SCAPER: variants seen among roughly 807,000 people sequenced by gnomAD.
SCAPER encodes the protein S-phase cyclin A associated protein in the ER.
SCAPER carries 98 observed loss-of-function variants against 182.2 expected under a neutral mutation model. That is an observed-to-expected ratio of 0.54 (90% CI 0.46 to 0.64). The LOEUF (loss-of-function observed/expected upper bound fraction) is 0.64, where lower values mean the gene tolerates loss of function less well. Ranked by LOEUF, SCAPER falls within the 30% of genes least tolerant of loss-of-function variation. The probability of loss-of-function intolerance (pLI) is 0.00; values close to 1 mark genes in which losing one functional copy is unlikely to be tolerated. For synonymous variants in SCAPER, 605 were observed against 564.6 expected, an observed-to-expected ratio of 1.07 and a Z score of -1.01; for missense variants, 1,432 against 1,690.0, an observed-to-expected ratio of 0.85 and a Z score of 2.68.
chr15:76,561,900 C>T (rs1048715143), intron 23 of SCAPER, among the ~76,000 whole-genome samples: 3 of 150,390 alleles, frequency 2.0e-5, no homozygotes, highest in Non-Finnish European at 4.4e-5. Flanking sequence ...AATCCCAGCA[C>T]TTTGGGAGGC....
chr15:76,668,215 C>T (rs2056768400), intron 20 of SCAPER, among the ~76,000 whole-genome samples: 1 of 152,304 alleles, frequency 6.6e-6, no homozygotes, highest in African/African-American at 2.4e-5. Context: ...ATCCCTACCA[C>T]CACCACCTGC....
chr15:76,782,917 C>T (rs1332579219), intron 8 of SCAPER, among the ~76,000 whole-genome samples: 1 of 152,140 alleles, frequency 6.6e-6, no homozygotes, highest in African/African-American at 2.4e-5. Flanking sequence ...TAAATGCCCA[C>T]AAGAGAAAGC....
At chr15:76,551,807 C>G (rs2045793745) in intron 23 of SCAPER, among the ~76,000 whole-genome samples, 2 of 152,188 alleles carry the variant, frequency 1.3e-5, no homozygotes, top group South Asian at 4.2e-4. Flanking sequence ...TCACACTGTA[C>G]CCCCATAAAT....
chr15:76,795,229 C>G, intron 8 of SCAPER, 51 bp downstream of exon 8: 2 of 1,541,712 alleles, frequency 1.3e-6, no homozygotes, highest in Non-Finnish European at 1.8e-6. Flanking sequence ...ATAAGTATCT[C>G]TATATATCCA....
At chr15:76,430,947 G>C (rs1374962194) in intron 26 of SCAPER, among the ~76,000 whole-genome samples, 1 of 152,008 alleles carries the variant, frequency 6.6e-6, no homozygotes, top group Non-Finnish European at 1.5e-5. Flanking sequence ...CTGAATCATG[G>C]GGGCAGGTCT....
intron 15 of SCAPER, 115 bp downstream of exon 15, chr15:76,753,693 T>C: frequency 8.4e-7 from 1 of 1,189,560 alleles, no homozygotes; most frequent in Non-Finnish European, 1.2e-6. Flanking sequence ...TGTAAAATGC[T>C]GTTATTCTAC....
At chr15:76,516,000 G>A (rs1397576152) in intron 23 of SCAPER, among the ~76,000 whole-genome samples, 1 of 152,048 alleles carries the variant, frequency 6.6e-6, no homozygotes, top group Non-Finnish European at 1.5e-5. Flanking sequence ...TGTCTGTGCT[G>A]ACAGAGAAGG....
chr15:76,645,310 G>A (rs1323555028), intron 21 of SCAPER, among the ~76,000 whole-genome samples: 2 of 152,044 alleles, frequency 1.3e-5, no homozygotes, highest in East Asian at 1.9e-4. Context: ...TGATACATTC[G>A]TAAGCATATG....
intron 17 of SCAPER, among the ~76,000 whole-genome samples, chr15:76,724,204 T>C (rs1273091839): frequency 6.8e-6 from 1 of 147,450 alleles, no homozygotes; most frequent in Non-Finnish European, 1.5e-5. Context: ...TGGCTGGATA[T>C]GAAATACTGG....
At chr15:76,651,212 C>G (rs2055007466) in intron 21 of SCAPER, among the ~76,000 whole-genome samples, 1 of 151,822 alleles carries the variant, frequency 6.6e-6, no homozygotes, top group Non-Finnish European at 1.5e-5. Flanking sequence ...TTTGTTATTT[C>G]AAAAGATTAA....
At chr15:76,460,336 T>A (rs1211142880) in intron 25 of SCAPER, among the ~76,000 whole-genome samples, 2 of 152,174 alleles carry the variant, frequency 1.3e-5, no homozygotes, top group Non-Finnish European at 2.9e-5. Context: ...TAGAAGGGAT[T>A]GCCTTCTTAA....
At chr15:76,503,399 C>T (rs2143788455) in intron 24 of SCAPER, among the ~76,000 whole-genome samples, 1 of 152,236 alleles carries the variant, frequency 6.6e-6, no homozygotes, top group Non-Finnish European at 1.5e-5. Flanking sequence ...GATTTCCTGA[C>T]TTAAAGAATA....
At chr15:76,659,960 C>T (rs1386471803) in intron 21 of SCAPER, among the ~76,000 whole-genome samples, 1 of 152,128 alleles carries the variant, frequency 6.6e-6, no homozygotes, top group Non-Finnish European at 1.5e-5. Context: ...CATTGCAGCA[C>T]TATTCATAAT....
intron 15 of SCAPER, among the ~76,000 whole-genome samples, chr15:76,742,109 T>A (rs1357214025): frequency 6.6e-6 from 1 of 152,080 alleles, no homozygotes; most frequent in Non-Finnish European, 1.5e-5. Context: ...AAAAGATGCC[T>A]GATGGTGTTC....
chr15:76,471,111 T>TC, intron 25 of SCAPER, 101 bp downstream of exon 25: 1 of 912,996 alleles, frequency 1.1e-6, no homozygotes, highest in Non-Finnish European at 1.4e-6. Context: ...TTTTTTTTTT[T>TC]TCATCTGGAG....
intron 23 of SCAPER, among the ~76,000 whole-genome samples, chr15:76,559,827 C>T (rs780117723): frequency 1.3e-5 from 2 of 152,034 alleles, no homozygotes; most frequent in East Asian, 1.9e-4. Flanking sequence ...ACCTGTACAC[C>T]AAATCCCCAT....
intron 23 of SCAPER, among the ~76,000 whole-genome samples, chr15:76,560,612 A>G (rs957071086): frequency 1.3e-5 from 2 of 152,178 alleles, no homozygotes; most frequent in African/African-American, 4.8e-5. Context: ...TACCTTCCCA[A>G]TGATGATCCA....
intron 24 of SCAPER, among the ~76,000 whole-genome samples, chr15:76,490,280 A>C (rs2052159669): frequency 6.6e-6 from 1 of 152,132 alleles, no homozygotes; most frequent in African/African-American, 2.4e-5. Flanking sequence ...AAGGGTCCCA[A>C]TTTCTCCACA....
At chr15:76,385,165 T>C (rs2043217074) in intron 27 of SCAPER, 3 of 152,326 alleles carry the variant, frequency 2.0e-5, no homozygotes, top group South Asian at 4.1e-4. Flanking sequence ...CTGACAAACC[T>C]ACTTTACCTT....
Sources: allele counts gnomAD v4.1 joint callset (sites outside exome capture counted in the v4.1 genomes callset), GRCh38; gene constraint gnomAD v4.1.1; transcripts MANE v1.5; gene names NCBI Gene and HGNC (gene_info 2026-07-23, HGNC 2026-07-21).